Variants in PTPRQ observed in about 807,000 individuals in gnomAD.
PTPRQ encodes protein tyrosine phosphatase receptor type Q.
In PTPRQ, 199 loss-of-function variants were observed where a neutral mutation model predicts 246.0. The observed-to-expected ratio is 0.81, with a 90% CI of 0.72 to 0.91. The LOEUF is 0.91. PTPRQ is among the 40% of genes least tolerant of loss of function. The probability of loss-of-function intolerance (pLI) is 0.00; values close to 1 mark genes in which losing one functional copy is unlikely to be tolerated. For synonymous variants in PTPRQ, 869 were observed against 853.2 expected, an observed-to-expected ratio of 1.02 and a Z score of -0.32; for missense variants, 2,624 against 2,528.4, an observed-to-expected ratio of 1.04 and a Z score of -0.81.
intron 9 of PTPRQ, among the ~76,000 whole-genome samples, chr12:80,492,967 A>G (rs1894494008): frequency 6.6e-6 from 1 of 152,072 alleles, no homozygotes; most frequent in Non-Finnish European, 1.5e-5. Context: ...TCAGTCATGA[A>G]ACCTTTGCAT....
intron 14 of PTPRQ, among the ~76,000 whole-genome samples, chr12:80,497,312 T>C (rs1188915469): frequency 6.6e-6 from 1 of 151,996 alleles, no homozygotes; most frequent in Non-Finnish European, 1.5e-5. Context: ...CATTAAATTC[T>C]CATAAGAAGC....
intron 39 of PTPRQ, among the ~76,000 whole-genome samples, chr12:80,666,758 G>A (rs1385988978): frequency 6.6e-6 from 1 of 151,820 alleles, no homozygotes; most frequent in African/African-American, 2.4e-5. Flanking sequence ...TCTTCCTTTG[G>A]AGTCGTTATT....
chr12:80,444,377 T>G lies in PTPRQ; in HGVS notation c.32T>G (p.Phe11Cys). ...TTTCTTATCATTTTTCTTTTACTTT[T>G]TATTGGGACTTCAGAGACACAGGTA... The part of the protein sequence containing the change: MDFLIIFLLL[F>C]IGTSETQVDV... Residue 11 changes from phenylalanine to cysteine, a missense_variant, in exon 1 of 45, where the codon TTT (phenylalanine) becomes TGT (cysteine). Transcript: ENST00000644991. The G allele has an allele frequency of 6.8e-7, 1 of 1,479,888 alleles. No individual in the cohort carries two copies. The highest frequency in any genetic ancestry group is 1.2e-5 in the South Asian group (1 of 82,096). The allele number at this position is 1,479,888 out of a possible 1,614,324, so 91.7% of individuals were successfully genotyped here. A position where few individuals can be genotyped will look rare whatever the true frequency, so the allele number is the denominator to read the frequency against.
At chr12:80,595,210 G>A (rs971267079) in intron 26 of PTPRQ, among the ~76,000 whole-genome samples, 2 of 152,060 alleles carry the variant, frequency 1.3e-5, no homozygotes, top group Admixed American at 1.3e-4. Flanking sequence ...CTCAACAAGT[G>A]AGCATATTAC....
chr12:80,678,839 G>A, intron 44 of PTPRQ, 114 bp downstream of exon 44: 3 of 1,439,166 alleles, frequency 2.1e-6, no homozygotes, highest in Non-Finnish European at 2.7e-6. Context: ...TTAGTGCACA[G>A]ATCAGGTTTT....
intron 14 of PTPRQ, among the ~76,000 whole-genome samples, chr12:80,502,911 A>G (rs1166106579): frequency 6.6e-6 from 1 of 151,838 alleles, no homozygotes; most frequent in Admixed American, 6.6e-5. Context: ...GATCATTTGC[A>G]TGGAAGTTGG....
At chr12:80,668,079 G>C (rs1266890132) in intron 39 of PTPRQ, among the ~76,000 whole-genome samples, 1 of 151,884 alleles carries the variant, frequency 6.6e-6, no homozygotes, top group Non-Finnish European at 1.5e-5. Context: ...TCTGACTACT[G>C]AGACAATTTC....
At chr12:80,492,447 T>A (rs1414731435) in intron 9 of PTPRQ, among the ~76,000 whole-genome samples, 1 of 152,012 alleles carries the variant, frequency 6.6e-6, no homozygotes, top group Admixed American at 6.6e-5. Context: ...TAATGTGTAG[T>A]CTTATTTCCA....
At chr12:80,617,931 G>A (rs1018167441) in intron 30 of PTPRQ, among the ~76,000 whole-genome samples, 16 of 151,232 alleles carry the variant, frequency 1.1e-4, no homozygotes, top group African/African-American at 3.9e-4. Flanking sequence ...TGAAACCTGA[G>A]CCTCTTCCTA....
chr12:80,518,752 G>A (rs1895381711), intron 17 of PTPRQ, among the ~76,000 whole-genome samples: 1 of 152,106 alleles, frequency 6.6e-6, no homozygotes, highest in Non-Finnish European at 1.5e-5. Flanking sequence ...TCCAATGTAT[G>A]TTCTTGGCAT....
rs548777830 is a variant in PTPRQ, at chr12:80,678,643, A to G, written c.6780A>G (p.Leu2260=). 2 of 1,550,530 alleles carry G rather than the reference A, an allele frequency of 1.3e-6. No homozygotes were observed. Among genetic ancestry groups the G allele is most frequent in the African/African-American group, 2.7e-5 (2 of 73,124 alleles). The change falls in exon 44 of 45, where the codon TTA becomes TTG. Residue 2260 remains leucine (L), a synonymous_variant. Transcript: ENST00000644991. ...IFLHQCILDL[L]SNKGSNQPIC... Reference sequence around the variant, plus strand: ...TACACCAGTGCATTCTGGATCTCTTATCAAATAAGGGAAGTAATCAGCCCA... The same window carrying G: ...TACACCAGTGCATTCTGGATCTCTTGTCAAATAAGGGAAGTAATCAGCCCA...
At chr12:80,630,463 C>A (rs1363808473) in intron 33 of PTPRQ, among the ~76,000 whole-genome samples, 1 of 152,062 alleles carries the variant, frequency 6.6e-6, no homozygotes, top group African/African-American at 2.4e-5. Context: ...GATCAAAATA[C>A]CTTCCATCAG....
chr12:80,612,897 G>A (rs552028294), intron 28 of PTPRQ, among the ~76,000 whole-genome samples: 1 of 150,572 alleles, frequency 6.6e-6, no homozygotes, highest in South Asian at 2.1e-4. Context: ...TGGACCTCAA[G>A]GCCATTGTGC....
chr12:80,523,344 T>A (rs2120764660), intron 17 of PTPRQ, among the ~76,000 whole-genome samples: 1 of 152,228 alleles, frequency 6.6e-6, no homozygotes, highest in Middle Eastern at 3.4e-3. Flanking sequence ...TTTTGAAGGG[T>A]TTTTTGTGTT....
At chr12:80,617,138 G>C (rs1489571219) in intron 30 of PTPRQ, among the ~76,000 whole-genome samples, 1 of 151,138 alleles carries the variant, frequency 6.6e-6, no homozygotes, top group Non-Finnish European at 1.5e-5. Flanking sequence ...TTGAATCATG[G>C]ATTAGCCACT....
At chr12:80,462,246 G>A (rs1242090865) in intron 6 of PTPRQ, among the ~76,000 whole-genome samples, 6 of 152,334 alleles carry the variant, frequency 3.9e-5, no homozygotes, top group Non-Finnish European at 8.8e-5. Context: ...CTACCCCCAC[G>A]GAGTCTGCCT....
intron 25 of PTPRQ, chr12:80,561,011 C>T (rs1896807499): frequency 6.5e-6 from 1 of 154,226 alleles, no homozygotes; most frequent in African/African-American, 2.4e-5. Context: ...AGAAAAGCCT[C>T]AAGAAACATT....
rs185906211 is a variant in PTPRQ at position 80,478,856 on chromosome 12, C to T, written c.1187-5577C>T. 5.8e-3 allele frequency among the ~76,000 whole-genome samples: 888 copies of T among 152,210 alleles called. 10 individuals carry two copies. The highest frequency in any genetic ancestry group is 0.021 in the African/African-American group (862 of 41,542). The stretch of plus-strand genomic sequence containing the variant: ...GAATAAAAAGAAATGAGCAAAGCCT[C>T]CAAGAAATATGGGACTATGTGAAAA... On this transcript the variant is annotated intron_variant, in intron 8 of 44. Coordinates refer to ENST00000644991, the MANE Select transcript of PTPRQ (RefSeq NM_001145026.2).
At chr12:80,637,491 T>C (rs939470098) in intron 35 of PTPRQ, among the ~76,000 whole-genome samples, 1 of 152,194 alleles carries the variant, frequency 6.6e-6, no homozygotes, top group African/African-American at 2.4e-5. Context: ...AAATATTAGT[T>C]TCCATGCTTT....
Sources: gnomAD v4.1 joint callset for allele counts (sites outside exome capture counted in the v4.1 genomes callset) on GRCh38, gnomAD v4.1.1 for gene constraint, MANE v1.5 for transcripts, NCBI Gene and HGNC (gene_info 2026-07-23, HGNC 2026-07-21) for gene names.